BICDL1: variants seen among roughly 807,000 people sequenced by gnomAD.
BICDL1 encodes BICD family-like cargo adapter 1.
In BICDL1, 20 loss-of-function variants were observed where a neutral mutation model predicts 76.8. That is an observed-to-expected ratio of 0.26 (90% CI 0.18 to 0.38). The LOEUF (loss-of-function observed/expected upper bound fraction) is 0.38. BICDL1 is among the 10% of genes least tolerant of loss of function. The pLI, the probability that BICDL1 is intolerant of heterozygous loss-of-function variation, is 1.00. For synonymous variants in BICDL1, 383 were observed against 337.1 expected (o/e 1.14, Z -1.49); for missense variants, 700 against 798.6 (o/e 0.88, Z 1.49).
intron 2 of BICDL1, among the ~76,000 whole-genome samples, chr12:120,021,370 T>C (rs1280837853): frequency 6.8e-6 from 1 of 146,722 alleles, no homozygotes; most frequent in African/African-American, 2.5e-5. Flanking sequence ...GCGGATCACC[T>C]GAGGTCAGGA....
intron 9 of BICDL1, chr12:120,091,508 C>T (rs1874963975): frequency 2.0e-6 from 2 of 984,950 alleles, no homozygotes; most frequent in Non-Finnish European, 2.4e-6. Context: ...ATACTAGACC[C>T]TTATAAGGAG....
chr12:120,093,363 T>G lies in BICDL1; in HGVS notation c.*202T>G. On this transcript the variant is annotated 3_prime_UTR_variant, in exon 10 of 10. Coordinates refer to ENST00000548673, the MANE Select transcript of BICDL1 (RefSeq NM_001367886.1). The stretch of plus-strand genomic sequence containing the variant: ...GGGGCCTGCCTTGGCCACTGAAGGC[T>G]TCCCTTGGCCCACCGCCTGGCCAAG... The G allele has an allele frequency of 1.6e-6, 1 of 626,446 alleles. No homozygotes were observed. Among genetic ancestry groups the G allele is most frequent in the Non-Finnish European group, 2.7e-6 (1 of 370,578 alleles). The allele number at this position is 626,446 out of a possible 1,614,324, so 38.8% of individuals were successfully genotyped here.
chr12:120,033,787 A>G (rs538621782), intron 2 of BICDL1, among the ~76,000 whole-genome samples: 72 of 152,148 alleles, frequency 4.7e-4, no homozygotes, highest in Middle Eastern at 3.4e-3. Context: ...GAGAGTATAT[A>G]TATATATAAG....
At chr12:120,043,974 T>C (rs1398066112) in intron 2 of BICDL1, among the ~76,000 whole-genome samples, 1 of 152,248 alleles carries the variant, frequency 6.6e-6, no homozygotes, top group Non-Finnish European at 1.5e-5. Flanking sequence ...GCAAATAATG[T>C]AGTCATTTTA....
intron 8 of BICDL1, among the ~76,000 whole-genome samples, chr12:120,087,704 C>G (rs1447313399): frequency 6.6e-6 from 1 of 152,216 alleles, no homozygotes; most frequent in African/African-American, 2.4e-5. Context: ...CTGCAGAGGT[C>G]CTTCCACCTT....
intron 2 of BICDL1, among the ~76,000 whole-genome samples, chr12:120,045,678 C>G (rs1032235842): frequency 6.7e-6 from 1 of 149,712 alleles, no homozygotes. Context: ...AACAAAAAAC[C>G]AGACACCGCA....
Position 120,074,449 on chromosome 12 carries a change from CGG to C in BICDL1, c.1316_1317del (p.Arg439GlnfsTer3). Reference sequence around the variant, plus strand: ...GTCTTTCTTTTACTGTCAGGGCTCCCGGAGACTTGATGATGACTCCTTAGAAG... The same window carrying C: ...GTCTTTCTTTTACTGTCAGGGCTCCCAGACTTGATGATGACTCCTTAGAAG... ...IVDGMEPTGS[R>X]RLDDDSLEEQ... On this transcript the variant is annotated frameshift_variant, in exon 7 of 10. Transcript: ENST00000548673. LOFTEE classifies it high-confidence loss of function. The C allele has an allele frequency of 8.2e-7, 1 of 1,215,702 alleles. No homozygotes were observed. Among genetic ancestry groups the C allele is most frequent in the Non-Finnish European group, 1.1e-6 (1 of 952,222 alleles). 75.3% of individuals were successfully genotyped at this position (1,215,702 alleles called of 1,614,324 possible). A position where few individuals can be genotyped will look rare whatever the true frequency, so the allele number is the denominator to read the frequency against.
chr12:120,028,252 C>T (rs1270751114), intron 2 of BICDL1, among the ~76,000 whole-genome samples: 1 of 152,014 alleles, frequency 6.6e-6, no homozygotes, highest in Non-Finnish European at 1.5e-5. Context: ...CATTTTTACT[C>T]GAGTTTTAAT....
intron 2 of BICDL1, among the ~76,000 whole-genome samples, chr12:120,058,376 T>A (rs1953027096): frequency 6.6e-6 from 1 of 152,188 alleles, no homozygotes; most frequent in African/African-American, 2.4e-5. Context: ...TGGACTAGAT[T>A]TGCAGCCCTC....
At chr12:120,040,648 T>C (rs1448715552) in intron 2 of BICDL1, among the ~76,000 whole-genome samples, 1 of 152,034 alleles carries the variant, frequency 6.6e-6, no homozygotes, top group African/African-American at 2.4e-5. Context: ...ACTCCTGAGC[T>C]CAAGCCATCT....
At chr12:120,010,562 A>G (rs1951932828) in intron 2 of BICDL1, among the ~76,000 whole-genome samples, 1 of 152,238 alleles carries the variant, frequency 6.6e-6, no homozygotes, top group African/African-American at 2.4e-5. Context: ...TTCTCAAACT[A>G]TTCTGAGGAG....
At position 120,093,563 on chromosome 12, in the gene BICDL1, C is replaced by T. The variant is rs1000534097; in HGVS notation, c.*402C>T. On this transcript the variant is annotated 3_prime_UTR_variant, in exon 10 of 10. Transcript: ENST00000548673. Reference sequence around the variant, plus strand: ...GAACAGAAGGAATGGAGGCCCTTCTCTGCATGCCTCAGGAGGCCTGAGCCC... The same window carrying T: ...GAACAGAAGGAATGGAGGCCCTTCTTTGCATGCCTCAGGAGGCCTGAGCCC... The T allele has an allele frequency of 4.7e-6, 1 of 211,186 alleles. No homozygotes were observed. The highest frequency in any genetic ancestry group is 2.4e-5 in the African/African-American group (1 of 42,174). 13.1% of individuals were successfully genotyped at this position (211,186 alleles called of 1,614,324 possible).
chr12:120,067,710 A>G (rs973041342), intron 4 of BICDL1, among the ~76,000 whole-genome samples: 13 of 152,242 alleles, frequency 8.5e-5, no homozygotes, highest in African/African-American at 2.4e-4. Context: ...CCAGTACATA[A>G]GAACTTGTAC....
chr12:120,006,858 T>C (rs1951860264), intron 2 of BICDL1, among the ~76,000 whole-genome samples: 1 of 152,212 alleles, frequency 6.6e-6, no homozygotes, highest in South Asian at 2.1e-4. Flanking sequence ...GGGAGCATCA[T>C]GACCTGATTG....
rs944070240 is a variant in BICDL1 at position 120,091,238 on chromosome 12, T to C, written c.1704+1167T>C. On this transcript the variant is annotated intron_variant, in intron 9 of 9. Transcript: ENST00000548673. ...CCCAGTGCTAACGGCTGGTGCCGTC[T>C]TCTCATAGATGGCTGTTCCATCCAC... 1.4e-4 allele frequency: 163 copies of C among 1,154,998 alleles called. 1 individual carries two copies. The highest frequency in any genetic ancestry group is 8.2e-5 in the Non-Finnish European group (76 of 923,958). The allele number at this position is 1,154,998 out of a possible 1,614,324, so 71.5% of individuals were successfully genotyped here.
chr12:120,022,161 T>C (rs1775813708), intron 2 of BICDL1, among the ~76,000 whole-genome samples: 2 of 150,316 alleles, frequency 1.3e-5, no homozygotes, highest in Admixed American at 1.3e-4. Flanking sequence ...GTTAATTGAC[T>C]TAATGAGGAA....
At chr12:120,081,146 C>T (rs1206889644) in intron 8 of BICDL1, 129 bp downstream of exon 8, 3 of 612,292 alleles carry the variant, frequency 4.9e-6, no homozygotes, top group African/African-American at 5.9e-5. Flanking sequence ...CCGCTACCCA[C>T]CCCCACCCCC....
intron 4 of BICDL1, among the ~76,000 whole-genome samples, chr12:120,069,124 C>T (rs941133126): frequency 6.6e-6 from 1 of 152,112 alleles, no homozygotes; most frequent in Non-Finnish European, 1.5e-5. Flanking sequence ...ATGTGAAAAT[C>T]TCTGAGATCA....
At chr12:120,089,374 A>G (rs1224142562) in intron 8 of BICDL1, among the ~76,000 whole-genome samples, 1 of 144,494 alleles carries the variant, frequency 6.9e-6, no homozygotes, top group Non-Finnish European at 1.5e-5. Context: ...TGCTCTTTCA[A>G]CGTGTGTGTG....
Sources: gnomAD v4.1 joint callset for allele counts (sites outside exome capture counted in the v4.1 genomes callset) on GRCh38, gnomAD v4.1.1 for gene constraint, MANE v1.5 for transcripts, NCBI Gene and HGNC (gene_info 2026-07-23, HGNC 2026-07-21) for gene names.